Variants in LARP4 observed in about 807,000 individuals in gnomAD.
The protein encoded by LARP4 is La ribonucleoprotein 4.
Under a neutral mutation model 92.9 loss-of-function variants are expected in LARP4, and 29 were observed. The ratio of observed to expected loss-of-function variants is 0.31; its 90% CI spans 0.23 to 0.43. LARP4 has a LOEUF of 0.43. LARP4 is among the 20% of genes least tolerant of loss of function. The probability of loss-of-function intolerance (pLI) is 1.00; values close to 1 mark genes in which losing one functional copy is unlikely to be tolerated. For missense variants in LARP4, 732 were observed against 860.0 expected (o/e 0.85, Z 1.86); for synonymous variants, 279 against 284.1 (o/e 0.98, Z 0.18).
intron 1 of LARP4, among the ~76,000 whole-genome samples, chr12:50,424,084 T>C (rs1317305109): frequency 6.6e-6 from 1 of 152,182 alleles, no homozygotes; most frequent in East Asian, 1.9e-4. Flanking sequence ...TAAGGACTTC[T>C]TGGCCCAGTG....
chr12:50,421,514 C>T (rs564347532), intron 1 of LARP4, among the ~76,000 whole-genome samples: 10 of 151,978 alleles, frequency 6.6e-5, no homozygotes, highest in African/African-American at 2.2e-4. Context: ...TGGTGGCACA[C>T]GCCTGTAATC....
At chr12:50,438,213 A>G (rs1950704184) in intron 6 of LARP4, among the ~76,000 whole-genome samples, 2 of 152,176 alleles carry the variant, frequency 1.3e-5, no homozygotes, top group South Asian at 4.1e-4. Flanking sequence ...TTAAGGAGGC[A>G]GGGCTGGGCG....
intron 12 of LARP4, among the ~76,000 whole-genome samples, chr12:50,465,622 A>C (rs1956055531): frequency 6.6e-6 from 1 of 152,202 alleles, no homozygotes; most frequent in Admixed American, 6.5e-5. Flanking sequence ...AAAGTGGTCT[A>C]ATATGGAACC....
chr12:50,424,308 T>C (rs1448321888), intron 1 of LARP4, among the ~76,000 whole-genome samples: 1 of 151,528 alleles, frequency 6.6e-6, no homozygotes, highest in East Asian at 1.9e-4. Flanking sequence ...AGTTTGAGGC[T>C]ACAGTGAGCT....
chr12:50,467,092 ATGT>A lies in LARP4; in HGVS notation c.1522_1524del (p.Val508del). ...CTCGTTTTGGAGAATAGGATGTCTG[ATGT>A]TGTTAAAGGTGTCTACAAAGAAAAG... On this transcript the variant is annotated inframe_deletion, in exon 13 of 16. Coordinates refer to ENST00000398473, the MANE Select transcript of LARP4 (RefSeq NM_052879.5). The A allele has an allele frequency of 6.2e-7, 1 of 1,612,640 alleles. No individual in the cohort carries two copies. The highest frequency in any genetic ancestry group is 2.2e-5 in the East Asian group (1 of 44,822).
chr12:50,448,297 A>G (rs1349952670), intron 8 of LARP4, among the ~76,000 whole-genome samples: 3 of 152,166 alleles, frequency 2.0e-5, no homozygotes, highest in African/African-American at 7.2e-5. Context: ...GCTATTAAAT[A>G]CATTCACAAT....
intron 8 of LARP4, among the ~76,000 whole-genome samples, chr12:50,449,209 C>G (rs914050193): frequency 6.6e-6 from 1 of 152,044 alleles, no homozygotes; most frequent in Non-Finnish European, 1.5e-5. Context: ...CACCACTGCA[C>G]CCCCAACATT....
intron 15 of LARP4, among the ~76,000 whole-genome samples, chr12:50,475,162 G>C (rs1957406335): frequency 6.6e-6 from 1 of 151,942 alleles, no homozygotes; most frequent in Non-Finnish European, 1.5e-5. Flanking sequence ...TGCTCTGCTG[G>C]GATTCTTTTG....
chr12:50,470,092 C>T (rs1026521293), intron 13 of LARP4, among the ~76,000 whole-genome samples: 1 of 151,572 alleles, frequency 6.6e-6, no homozygotes, highest in South Asian at 2.1e-4. Flanking sequence ...GGCATGGTGA[C>T]GTATGCCTGT....
Position 50,428,986 on chromosome 12 carries a change from C to T in LARP4, c.218C>T (p.Ser73Phe). Residue 73 changes from serine to phenylalanine, a missense_variant, in exon 3 of 16, where the codon TCT becomes TTT. Around this residue, in one of 7 missense-constraint regions of LARP4, gnomAD observed 236 missense variants for 307.6 expected, o/e 0.77. Coordinates refer to ENST00000398473, the MANE Select transcript of LARP4 (RefSeq NM_052879.5). ...DICKEYEVMYSSSCETTRNTT... is the reference protein window; with the variant it reads ...DICKEYEVMYFSSCETTRNTT... ...TGTAAAGAATATGAAGTAATGTATT[C>T]TTCATCTTGTGAAACCACAAGAAAT... 6.2e-7 allele frequency: 1 copy of T among 1,608,100 alleles called. No homozygotes were observed. The highest frequency in any genetic ancestry group is 8.5e-7 in the Non-Finnish European group (1 of 1,175,526).
At chr12:50,403,064 A>T (rs1342926645) in intron 1 of LARP4, among the ~76,000 whole-genome samples, 2 of 152,230 alleles carry the variant, frequency 1.3e-5, no homozygotes, top group Non-Finnish European at 2.9e-5. Flanking sequence ...AATTATTCTC[A>T]GTGAGAGAAC....
intron 1 of LARP4, among the ~76,000 whole-genome samples, chr12:50,413,148 G>A (rs775378796): frequency 6.6e-6 from 1 of 151,790 alleles, no homozygotes; most frequent in Non-Finnish European, 1.5e-5. Flanking sequence ...CCTTGACCCC[G>A]GGAGTCAGAG....
intron 1 of LARP4, chr12:50,401,319 C>T: frequency 2.2e-6 from 1 of 462,622 alleles, no homozygotes; most frequent in South Asian, 2.2e-5. Context: ...CCCATATGGA[C>T]CTCCTAAAGG....
chr12:50,478,535 A>G lies in LARP4; in HGVS notation c.*2671A>G, dbSNP rs1308719504. 2 of 152,106 alleles carry G rather than the reference A, an allele frequency of 1.3e-5. No homozygotes were observed. Among genetic ancestry groups the G allele is most frequent in the South Asian group, 2.1e-4 (1 of 4,838 alleles). 9.4% of individuals were successfully genotyped at this position (152,106 alleles called of 1,614,324 possible). On this transcript the variant is annotated 3_prime_UTR_variant, in exon 16 of 16. Transcript: ENST00000398473. ...TTCTTTAGATGGAGGAATTTAAAAAATCAAATTTTTCTCTTCACCTTTATG... is the reference window on the plus strand; with the variant it reads ...TTCTTTAGATGGAGGAATTTAAAAAGTCAAATTTTTCTCTTCACCTTTATG...
intron 13 of LARP4, 100 bp from the exon 14 acceptor site, chr12:50,473,315 G>A (rs1957142143): frequency 1.3e-6 from 1 of 790,868 alleles, no homozygotes; most frequent in South Asian, 1.7e-5. Flanking sequence ...ATTTTATGAT[G>A]ACTAATGATG....
At chr12:50,433,289 T>TTC (rs1491186323) in intron 4 of LARP4, among the ~76,000 whole-genome samples, 1 of 112,450 alleles carries the variant, frequency 8.9e-6, no homozygotes, top group Non-Finnish European at 2.1e-5. Context: ...TTTTTTTTTT[T>TTC]GTAGTTTATC....
chr12:50,419,206 C>CA (rs938904750), intron 1 of LARP4, among the ~76,000 whole-genome samples: 24 of 151,242 alleles, frequency 1.6e-4, no homozygotes, highest in African/African-American at 3.6e-4. Flanking sequence ...GTAAAAAATA[C>CA]AAAAAAAATC....
intron 15 of LARP4, among the ~76,000 whole-genome samples, chr12:50,474,833 T>G (rs917344426): frequency 1.3e-4 from 20 of 152,180 alleles, no homozygotes; most frequent in African/African-American, 4.8e-4. Context: ...GCCACTCCCA[T>G]TTATCAAGTT....
intron 12 of LARP4, among the ~76,000 whole-genome samples, chr12:50,466,248 G>A (rs1401688310): frequency 6.6e-6 from 1 of 152,068 alleles, no homozygotes; most frequent in African/African-American, 2.4e-5. Context: ...TAGACAGGAG[G>A]GAAGCATGAG....
Sources: gnomAD v4.1 joint callset for allele counts (sites outside exome capture counted in the v4.1 genomes callset) on GRCh38, gnomAD v4.1.1 for gene constraint, gnomAD v4.1.1 regional missense constraint, MANE v1.5 for transcripts, NCBI Gene and HGNC (gene_info 2026-07-23, HGNC 2026-07-21) for gene names.